The following PSD3 variants were observed in gnomAD, a reference collection of about 807,000 sequenced individuals.
PSD3 encodes PH and SEC7 domain-containing protein 3.
Under a neutral mutation model 105.5 loss-of-function variants are expected in PSD3, and 49 were observed. The ratio of observed to expected loss-of-function variants is 0.46; its 90% CI spans 0.37 to 0.59. PSD3 has a LOEUF of 0.59. Ranked by LOEUF, PSD3 falls within the 20% of genes least tolerant of loss-of-function variation. PSD3 has a pLI of 0.00. For missense variants in PSD3, 1,561 were observed against 1,263.8 expected (o/e 1.24, Z -3.57); for synonymous variants, 557 against 457.8 (o/e 1.22, Z -2.77).
intron 2 of PSD3, among the ~76,000 whole-genome samples, chr8:18,927,658 C>T (rs1563429706): frequency 1.3e-5 from 2 of 152,230 alleles, no homozygotes; most frequent in Non-Finnish European, 2.9e-5. Context: ...TGCTGCCATG[C>T]TACTTAGTTT....
Position 18,529,210 on chromosome 8 carries a change from A to G in PSD3, c.*6533T>C, listed in dbSNP as rs1799538955. The G allele has an allele frequency of 6.6e-6, 1 of 152,178 alleles. No homozygotes were observed. The highest frequency in any genetic ancestry group is 2.4e-5 in the African/African-American group (1 of 41,434). The allele number at this position is 152,178 out of a possible 1,614,324, so 9.4% of individuals were successfully genotyped here. Reference sequence around the variant, plus strand: ...AGCCTTCAATTTGGTGGTCCACAAGAAAGAATGTGATATGGATCCCCTCAT... The same window carrying G: ...AGCCTTCAATTTGGTGGTCCACAAGGAAGAATGTGATATGGATCCCCTCAT... On this transcript the variant is annotated 3_prime_UTR_variant, in exon 16 of 16. Coordinates refer to ENST00000327040, the MANE Select transcript of PSD3 (RefSeq NM_015310.4).
At chr8:18,873,175 G>A (rs1383102757) in intron 2 of PSD3, among the ~76,000 whole-genome samples, 1 of 152,114 alleles carries the variant, frequency 6.6e-6, no homozygotes, top group African/African-American at 2.4e-5. Flanking sequence ...TGCAAGCTCC[G>A]AGACAGAGCC....
intron 1 of PSD3, among the ~76,000 whole-genome samples, chr8:18,955,680 G>T (rs1181971580): frequency 6.6e-6 from 1 of 152,170 alleles, no homozygotes; most frequent in Non-Finnish European, 1.5e-5. Flanking sequence ...CCTCCAGAGA[G>T]GCTGTCCCAG....
intron 1 of PSD3, among the ~76,000 whole-genome samples, chr8:19,025,184 C>A (rs1327260591): frequency 7.2e-6 from 1 of 138,234 alleles, no homozygotes; most frequent in African/African-American, 2.5e-5. Flanking sequence ...GATCTCATTA[C>A]ACACTCATTA....
intron 1 of PSD3, among the ~76,000 whole-genome samples, chr8:19,040,738 G>A (rs74475222): frequency 1.3e-5 from 2 of 152,160 alleles, no homozygotes; most frequent in South Asian, 2.1e-4. Context: ...CAAGTGATGA[G>A]CTTACTGAAT....
chr8:18,675,007 A>T (rs1035044573), intron 9 of PSD3, among the ~76,000 whole-genome samples: 3 of 148,368 alleles, frequency 2.0e-5, no homozygotes, highest in African/African-American at 4.9e-5. Flanking sequence ...TCTCCAATTT[A>T]AAAAAAAAAG....
chr8:18,755,128 T>G (rs553852863), intron 9 of PSD3, among the ~76,000 whole-genome samples: 2 of 152,196 alleles, frequency 1.3e-5, no homozygotes, highest in African/African-American at 4.8e-5. Flanking sequence ...TTATGACACT[T>G]TAAACATGCT....
intron 8 of PSD3, among the ~76,000 whole-genome samples, chr8:18,775,145 A>G (rs1406741034): frequency 6.6e-6 from 1 of 152,194 alleles, no homozygotes; most frequent in Non-Finnish European, 1.5e-5. Context: ...TTCACTTAAC[A>G]TAATGACCTC....
At chr8:18,997,647 C>T (rs961009942) in intron 1 of PSD3, among the ~76,000 whole-genome samples, 3 of 152,046 alleles carry the variant, frequency 2.0e-5, no homozygotes, top group Admixed American at 6.5e-5. Flanking sequence ...CAGGACCTGG[C>T]GACGGTGTCC....
Position 18,560,380 on chromosome 8 carries a change from T to C in PSD3, c.2785-4028A>G, listed in dbSNP as rs112529928. On this transcript the variant is annotated intron_variant, in intron 14 of 15. Transcript: ENST00000327040. ...TTTGCTTTTTTATTCCCCCACCTTT[T>C]GTCTTTGCTTTTACAGTTCTTTAGG... 2.6e-5 allele frequency among the ~76,000 whole-genome samples: 4 copies of C among 152,190 alleles called. No individual in the cohort carries two copies. The South Asian group carries it at 8.3e-4, about 32-fold the overall frequency.
At chr8:18,797,146 C>T (rs573888796) in intron 8 of PSD3, among the ~76,000 whole-genome samples, 1 of 152,122 alleles carries the variant, frequency 6.6e-6, no homozygotes, top group East Asian at 1.9e-4. Flanking sequence ...CTTATGATAG[C>T]TACTATATAT....
chr8:18,895,313 C>T (rs1045854345), intron 2 of PSD3, among the ~76,000 whole-genome samples: 1 of 152,226 alleles, frequency 6.6e-6, no homozygotes, highest in African/African-American at 2.4e-5. Flanking sequence ...AAAACTAGCT[C>T]ATGGTGGAGA....
intron 9 of PSD3, among the ~76,000 whole-genome samples, chr8:18,710,208 CAAT>C (rs1173142355): frequency 1.3e-5 from 2 of 152,038 alleles, no homozygotes; most frequent in African/African-American, 2.4e-5. Flanking sequence ...CCATGAGTAT[CAAT>C]AGCCAAACAG....
chr8:18,728,467 T>A (rs1442800354), intron 9 of PSD3, among the ~76,000 whole-genome samples: 1 of 152,080 alleles, frequency 6.6e-6, no homozygotes, highest in African/African-American at 2.4e-5. Flanking sequence ...AGGGTGAGTA[T>A]GAGTTACCCA....
At chr8:18,718,161 G>T (rs1306025576) in intron 9 of PSD3, among the ~76,000 whole-genome samples, 1 of 152,150 alleles carries the variant, frequency 6.6e-6, no homozygotes, top group East Asian at 1.9e-4. Flanking sequence ...CCCCTACCCT[G>T]TCGCCATTTC....
intron 1 of PSD3, among the ~76,000 whole-genome samples, chr8:19,062,949 T>C (rs1828952772): frequency 6.6e-6 from 1 of 152,164 alleles, no homozygotes; most frequent in Admixed American, 6.6e-5. Flanking sequence ...AAAAAATGTC[T>C]ATCCAAAAGT....
intron 1 of PSD3, among the ~76,000 whole-genome samples, chr8:19,024,915 A>G (rs1225344877): frequency 1.3e-5 from 2 of 152,094 alleles, no homozygotes; most frequent in Non-Finnish European, 2.9e-5. Context: ...CAGTAAACAT[A>G]AGTAAAGTGT....
At chr8:18,665,638 G>A (rs1483460684) in intron 9 of PSD3, among the ~76,000 whole-genome samples, 5 of 152,260 alleles carry the variant, frequency 3.3e-5, no homozygotes, top group Non-Finnish European at 7.3e-5. Context: ...AAGTTCTACT[G>A]TGGGTAAAAT....
chr8:18,666,590 C>T (rs913187073), intron 9 of PSD3, among the ~76,000 whole-genome samples: 3 of 152,086 alleles, frequency 2.0e-5, no homozygotes, highest in Admixed American at 1.3e-4. Context: ...TCAAATATCT[C>T]GTAACAGATA....
Sources: gnomAD v4.1 joint callset for allele counts (sites outside exome capture counted in the v4.1 genomes callset) on GRCh38, gnomAD v4.1.1 for gene constraint, MANE v1.5 for transcripts, NCBI Gene and HGNC (gene_info 2026-07-23, HGNC 2026-07-21) for gene names.